The following COPE variants were observed in gnomAD, a reference collection of about 807,000 sequenced individuals.
COPE encodes the protein coatomer subunit epsilon.
In COPE, 19 loss-of-function variants were observed where a neutral mutation model predicts 42.1. The ratio of observed to expected loss-of-function variants is 0.45; its 90% CI spans 0.31 to 0.66. The LOEUF (loss-of-function observed/expected upper bound fraction) is 0.66. Among genes scored for constraint, COPE ranks in the 30% least tolerant of loss-of-function variants. The pLI is 0.05. For synonymous variants in COPE, 195 were observed against 181.3 expected (o/e 1.08, Z -0.60); for missense variants, 402 against 416.1 (o/e 0.97, Z 0.30).
intron 3 of COPE, 71 bp from the exon 4 acceptor site, chr19:18,907,183 T>C: frequency 6.5e-7 from 1 of 1,535,844 alleles, no homozygotes; most frequent in Non-Finnish European, 8.8e-7. Flanking sequence ...TCCCCTTCCT[T>C]GGAAGCAGAC....
intron 1 of COPE, among the ~76,000 whole-genome samples, chr19:18,913,705 A>G (rs999997003): frequency 4.6e-5 from 7 of 152,196 alleles, no homozygotes; most frequent in Non-Finnish European, 7.3e-5. Context: ...AGCTCAGCCC[A>G]TGGCCTGAGG....
chr19:18,910,287 G>T (rs753609721), intron 3 of COPE, among the ~76,000 whole-genome samples: 8 of 152,242 alleles, frequency 5.3e-5, no homozygotes, highest in Non-Finnish European at 8.8e-5. Flanking sequence ...GGCTCCAGGG[G>T]AGATACTGGC....
Position 18,904,751 on chromosome 19 carries a change from C to T in COPE, c.579+20G>A. ...GCCAGGTGCCCGCAATGCCCACCCA[C>T]CTCATGGCCTAGGGCTCACCGTGGC... On this transcript the variant is annotated intron_variant, in intron 6 of 9. Coordinates refer to ENST00000262812, the MANE Select transcript of COPE (RefSeq NM_007263.4). The T allele has an allele frequency of 6.4e-7, 1 of 1,550,494 alleles. No individual in the cohort carries two copies.
In COPE at chr19:18,911,030, C is replaced by G; in HGVS notation, c.231G>C (p.Ser77=). ...GVVLDEIKPS[S]APELQAVRMF... is the part of the protein sequence containing the mutation. ...TGCGCACGGCCTGGAGCTCAGGGGC[C>G]GAGGAGGGCTTGATCTCATCCAGGA... is the stretch of plus-strand genomic sequence containing the variant. The change falls in exon 3 of 10, where the codon TCG becomes TCC. Residue 77 remains serine, a synonymous_variant. Transcript: ENST00000262812. 1.2e-6 allele frequency: 2 copies of G among 1,613,956 alleles called. 1 individual carries two copies.
chr19:18,903,308 C>T lies in COPE; in HGVS notation c.695G>A (p.Trp232Ter). 3 of 1,610,092 alleles carry T rather than the reference C, an allele frequency of 1.9e-6. No homozygotes were observed. The highest frequency in any genetic ancestry group is 8.5e-7 in the Non-Finnish European group (1 of 1,178,312). The change falls in exon 7 of 10, where the codon TGG becomes TAG. Residue 232 changes from tryptophan (W) to a stop codon, truncating the protein, a stop_gained. Coordinates refer to ENST00000262812, the MANE Select transcript of COPE (RefSeq NM_007263.4). LOFTEE classifies it high-confidence loss of function. Reference sequence around the variant, plus strand: ...CTGCAGCAGGCCCTCAGCGGCCTCCCAGCGGCCCTGGGCCATGTGGCAGGC... The same window carrying T: ...CTGCAGCAGGCCCTCAGCGGCCTCCTAGCGGCCCTGGGCCATGTGGCAGGC... ...QAACHMAQGR[W>*]EAAEGLLQEA...
chr19:18,917,851 A>G (rs2056868703), intron 1 of COPE, among the ~76,000 whole-genome samples: 1 of 152,122 alleles, frequency 6.6e-6, no homozygotes, highest in South Asian at 2.1e-4. Flanking sequence ...GCACTAAAAT[A>G]GGCAAGCTAA....
chr19:18,903,902 T>A (rs945075933), intron 6 of COPE, among the ~76,000 whole-genome samples: 2 of 152,226 alleles, frequency 1.3e-5, no homozygotes, highest in Non-Finnish European at 2.9e-5. Flanking sequence ...TGTCCTACCA[T>A]ACTAGACGGT....
Position 18,899,957 on chromosome 19 carries a change from A to G in COPE, c.805-10T>C. 6.2e-7 allele frequency: 1 copy of G among 1,609,582 alleles called. No homozygotes were observed. Among genetic ancestry groups the G allele is most frequent in the Non-Finnish European group, 8.5e-7 (1 of 1,177,938 alleles). ...GGTATCGGTTTGTCACCTGCAGGGG[A>G]GGCAGGGAGGCAGGTGAGCCGAACA... is the stretch of plus-strand genomic sequence containing the variant. On this transcript the variant is annotated splice_polypyrimidine_tract_variant and intron_variant, in intron 8 of 9. Coordinates refer to ENST00000262812, the MANE Select transcript of COPE (RefSeq NM_007263.4).
At chr19:18,903,988 A>AT (rs1479993280) in intron 6 of COPE, among the ~76,000 whole-genome samples, 3 of 152,120 alleles carry the variant, frequency 2.0e-5, no homozygotes, top group Non-Finnish European at 4.4e-5. Flanking sequence ...TTTCTTTCTC[A>AT]GAGTTTCACT....
chr19:18,904,700 G>T, intron 6 of COPE, 71 bp downstream of exon 6: 2 of 1,368,668 alleles, frequency 1.5e-6, no homozygotes, highest in Non-Finnish European at 2.0e-6. Flanking sequence ...CTACGCACAG[G>T]TGGGGGTGCC....
chr19:18,900,264 G>C, intron 8 of COPE, 117 bp downstream of exon 8: 1 of 842,956 alleles, frequency 1.2e-6, no homozygotes, highest in East Asian at 2.7e-5. Context: ...GGTGGGCTGC[G>C]GTAGGCATAC....
intron 7 of COPE, 65 bp from the exon 8 acceptor site, chr19:18,900,514 C>A: frequency 2.3e-6 from 3 of 1,306,506 alleles, no homozygotes; most frequent in Non-Finnish European, 3.2e-6. Context: ...CTGCCCGTCA[C>A]CCCCACCTCA....
At chr19:18,905,288 C>T (rs1200223054) in intron 5 of COPE, among the ~76,000 whole-genome samples, 1 of 152,184 alleles carries the variant, frequency 6.6e-6, no homozygotes, top group East Asian at 1.9e-4. Flanking sequence ...GGTCAAGTAA[C>T]ATGTTGCTCC....
chr19:18,901,603 G>A (rs2056699250), intron 7 of COPE, among the ~76,000 whole-genome samples: 1 of 152,250 alleles, frequency 6.6e-6, no homozygotes, highest in African/African-American at 2.4e-5. Context: ...CAGACAGGGA[G>A]GAGGGCTTCA....
intron 3 of COPE, chr19:18,910,722 C>T (rs2056801564): frequency 1.8e-6 from 1 of 560,712 alleles, no homozygotes; most frequent in Non-Finnish European, 3.2e-6. Flanking sequence ...CCTTGTGGTC[C>T]ATGAGGGCGT....
chr19:18,903,786 C>G (rs1445089241), intron 6 of COPE, among the ~76,000 whole-genome samples: 2 of 152,206 alleles, frequency 1.3e-5, no homozygotes, highest in East Asian at 3.8e-4. Context: ...GACCAGCAGC[C>G]CTGACCTGTC....
At chr19:18,900,655 T>C (rs1200091296) in intron 7 of COPE, among the ~76,000 whole-genome samples, 1 of 152,042 alleles carries the variant, frequency 6.6e-6, no homozygotes, top group Non-Finnish European at 1.5e-5. Context: ...AGTTTCCCCA[T>C]CTGTAGTCCA....
At position 18,911,042 on chromosome 19, in the gene COPE, G is replaced by T. The variant is rs1235650117; in HGVS notation, c.219C>A (p.Ile73=). ...QRKFGVVLDE[I]KPSSAPELQA... ...GGAGCTCAGGGGCCGAGGAGGGCTT[G>T]ATCTCATCCAGGACCACACCGAACT... is the stretch of plus-strand genomic sequence containing the variant. The change falls in exon 3 of 10, where the codon ATC becomes ATA. Residue 73 remains isoleucine (I), a synonymous_variant. Transcript: ENST00000262812. The T allele has an allele frequency of 2.5e-6, 4 of 1,613,880 alleles. No individual in the cohort carries two copies. The highest frequency in any genetic ancestry group is 2.2e-5 in the East Asian group (1 of 44,876).
intron 8 of COPE, 113 bp downstream of exon 8, chr19:18,900,268 G>A (rs1425188523): frequency 1.1e-6 from 1 of 870,482 alleles, no homozygotes; most frequent in Non-Finnish European, 1.8e-6. Context: ...GGCTGCGGTA[G>A]GCATACTGTA....
Sources: allele counts gnomAD v4.1 joint callset (sites outside exome capture counted in the v4.1 genomes callset), GRCh38; gene constraint gnomAD v4.1.1; transcripts MANE v1.5; gene names NCBI Gene and HGNC (gene_info 2026-07-23, HGNC 2026-07-21).